CLEC4C: variants seen among roughly 807,000 people sequenced by gnomAD.
CLEC4C encodes the protein C-type lectin domain family 4 member C.
In CLEC4C, 17 loss-of-function variants were observed where a neutral mutation model predicts 27.7. That is an observed-to-expected ratio of 0.61 (90% CI 0.42 to 0.92). CLEC4C has a LOEUF of 0.92. Ranked by LOEUF, CLEC4C falls within the 40% of genes least tolerant of loss-of-function variation. The pLI is 0.00. For missense variants in CLEC4C, 244 were observed against 257.3 expected (o/e 0.95, Z 0.35); for synonymous variants, 80 against 80.8 (o/e 0.99, Z 0.06).
chr12:7,741,014 G>A (rs937990725), intron 3 of CLEC4C, among the ~76,000 whole-genome samples: 55 of 152,076 alleles, frequency 3.6e-4, no homozygotes, highest in African/African-American at 1.2e-3. Flanking sequence ...CTAATTTTTT[G>A]TATTTTTAGT....
chr12:7,746,289 GA>G (rs1310047635), intron 2 of CLEC4C, 41 bp downstream of exon 2: 5 of 1,120,950 alleles, frequency 4.5e-6, no homozygotes, highest in Middle Eastern at 2.0e-4. Flanking sequence ...ATGTGATTGG[GA>G]AAAGGACCAA....
chr12:7,745,458 A>T (rs1435356380), intron 2 of CLEC4C, among the ~76,000 whole-genome samples: 2 of 113,298 alleles, frequency 1.8e-5, no homozygotes, highest in African/African-American at 6.8e-5. Context: ...TTTGAGACAG[A>T]GTCTCACTCT....
At position 7,741,567 on chromosome 12, in the gene CLEC4C, T is replaced by C. The variant is rs748182661; in HGVS notation, c.125-36A>G. 3 of 1,119,658 alleles carry C rather than the reference T, an allele frequency of 2.7e-6. No homozygotes were observed. In the South Asian group the frequency reaches 3.7e-5, roughly 14 times the overall value. The allele number at this position is 1,119,658 out of a possible 1,614,324, so 69.4% of individuals were successfully genotyped here. On this transcript the variant is annotated intron_variant, in intron 2 of 5. Coordinates refer to ENST00000360345, the MANE Select transcript of CLEC4C (RefSeq NM_001371390.1). ...GAAATCGGAGTTAGTTCTCATTCTT[T>C]TAAGTGGATCTATGTTGTACTATAC...
At chr12:7,731,160 C>A (rs1864588231) in intron 4 of CLEC4C, among the ~76,000 whole-genome samples, 1 of 152,020 alleles carries the variant, frequency 6.6e-6, no homozygotes. Flanking sequence ...ACAATGGACC[C>A]CAGTAAAACA....
chr12:7,745,099 G>A (rs1864940488), intron 2 of CLEC4C, among the ~76,000 whole-genome samples: 1 of 152,134 alleles, frequency 6.6e-6, no homozygotes, highest in South Asian at 2.1e-4. Context: ...TATTGTTATA[G>A]AATGAATTGC....
At chr12:7,740,686 G>A (rs925489754) in intron 3 of CLEC4C, among the ~76,000 whole-genome samples, 1 of 147,964 alleles carries the variant, frequency 6.8e-6, no homozygotes, top group East Asian at 2.0e-4. Flanking sequence ...GGGCGACAGA[G>A]TGAGACTCCG....
At chr12:7,732,255 C>T (rs1443192352) in intron 4 of CLEC4C, among the ~76,000 whole-genome samples, 1 of 152,072 alleles carries the variant, frequency 6.6e-6, no homozygotes. Flanking sequence ...GTCTCAAACT[C>T]GTGACCTCAG....
intron 1 of CLEC4C, among the ~76,000 whole-genome samples, chr12:7,747,025 T>C (rs914890638): frequency 6.6e-6 from 1 of 152,192 alleles, no homozygotes; most frequent in Non-Finnish European, 1.5e-5. Context: ...GGTTTCTCCA[T>C]GTTGGTCAGG....
chr12:7,747,115 G>A (rs776413695), intron 1 of CLEC4C, among the ~76,000 whole-genome samples: 8 of 152,180 alleles, frequency 5.3e-5, no homozygotes, highest in South Asian at 4.1e-4. Context: ...GAGCCACCGC[G>A]CCCGCCCGGC....
In CLEC4C at chr12:7,741,484, A is replaced by C. The variant is rs113848396; in HGVS notation, c.172T>G (p.Leu58Val). Reference protein sequence around the residue: ...YSKTVKRLSKLREYQQYHPSL... With the variant: ...YSKTVKRLSKVREYQQYHPSL... The stretch of plus-strand genomic sequence containing the variant: ...GGATGATACTGTTGATACTCTCGTA[A>C]CTTGGACAGCCTCTTGACAGTTTTG... Residue 58 changes from leucine to valine, a missense_variant, in exon 3 of 6, where the codon TTA (leucine) becomes GTA (valine). By Grantham distance (32) the Leu-to-Val change is conservative (BLOSUM62 1). Coordinates refer to ENST00000360345, the MANE Select transcript of CLEC4C (RefSeq NM_001371390.1). 4.3e-4 allele frequency: 687 copies of C among 1,612,840 alleles called. 1 individual carries two copies. The African/African-American group carries it at 7.2e-3, about 17-fold the overall frequency.
chr12:7,731,426 A>C (rs1348042315), intron 4 of CLEC4C, among the ~76,000 whole-genome samples: 1 of 152,208 alleles, frequency 6.6e-6, no homozygotes, highest in Admixed American at 6.6e-5. Flanking sequence ...AGCTCCTCTC[A>C]GGTTTATTTT....
intron 4 of CLEC4C, among the ~76,000 whole-genome samples, chr12:7,735,053 T>G (rs1413044154): frequency 6.6e-6 from 1 of 151,158 alleles, no homozygotes; most frequent in Non-Finnish European, 1.5e-5. Flanking sequence ...ATACAAAAAT[T>G]AGCCAGGAGC....
At chr12:7,742,559 C>T (rs1864880722) in intron 2 of CLEC4C, among the ~76,000 whole-genome samples, 1 of 150,846 alleles carries the variant, frequency 6.6e-6, no homozygotes. Context: ...CTTGTAATCC[C>T]CAGCACTTTG....
chr12:7,736,100 G>C (rs921157611), intron 4 of CLEC4C, among the ~76,000 whole-genome samples: 99 of 152,048 alleles, frequency 6.5e-4, no homozygotes, highest in African/African-American at 2.2e-3. Context: ...TGGCCAACAT[G>C]GTGAAACCCC....
chr12:7,748,739 G>A (rs1282526776), upstream of CLEC4C, among the ~76,000 whole-genome samples: 1 of 152,128 alleles, frequency 6.6e-6, no homozygotes, highest in Non-Finnish European at 1.5e-5. Context: ...AAAATGTAGA[G>A]TATGAGGGTA....
At chr12:7,736,420 G>A (rs945189413) in intron 4 of CLEC4C, among the ~76,000 whole-genome samples, 1 of 152,010 alleles carries the variant, frequency 6.6e-6, no homozygotes, top group South Asian at 2.1e-4. Flanking sequence ...AAATGCAGAG[G>A]ATACAGTATG....
In CLEC4C at chr12:7,730,903, T is replaced by C; in HGVS notation, c.391A>G (p.Ile131Val). ...GAAGAATTTCTTTTCAGATTCTGAATGATGAAATCCTGAGGGAAGAAAATG... is the reference window on the plus strand; with the variant it reads ...GAAGAATTTCTTTTCAGATTCTGAACGATGAAATCCTGAGGGAAGAAAATG... The part of the protein sequence containing the change: ...INTREEQDFI[I>V]QNLKRNSSYF... Residue 131 changes from isoleucine (I) to valine (V), a missense_variant, in exon 5 of 6, where the codon ATT becomes GTT. Transcript: ENST00000360345. 6.4e-7 allele frequency: 1 copy of C among 1,573,516 alleles called. No individual in the cohort carries two copies. The highest frequency in any genetic ancestry group is 8.7e-7 in the Non-Finnish European group (1 of 1,143,562).
intron 3 of CLEC4C, among the ~76,000 whole-genome samples, chr12:7,740,557 C>T (rs1001775526): frequency 2.0e-5 from 3 of 151,594 alleles, no homozygotes; most frequent in Non-Finnish European, 2.9e-5. Context: ...AAAAATTAGC[C>T]GGGCCTGGCA....
At position 7,737,420 on chromosome 12, in the gene CLEC4C, A is replaced by G. The variant is rs760446580; in HGVS notation, c.381+9T>C. On this transcript the variant is annotated intron_variant, in intron 4 of 5. Transcript: ENST00000360345. Reference sequence around the variant, plus strand: ...AGATTAGCTGACCACCTTGCCTGTTAGAACATACCTGTTCTTCCCTGGTGT... The same window carrying G: ...AGATTAGCTGACCACCTTGCCTGTTGGAACATACCTGTTCTTCCCTGGTGT... The G allele has an allele frequency of 6.3e-7, 1 of 1,596,002 alleles. No individual in the cohort carries two copies. Among genetic ancestry groups the G allele is most frequent in the African/African-American group, 1.4e-5 (1 of 74,006 alleles).
Sources: gnomAD v4.1 joint callset for allele counts (sites outside exome capture counted in the v4.1 genomes callset) on GRCh38, gnomAD v4.1.1 for gene constraint, MANE v1.5 for transcripts, NCBI Gene and HGNC (gene_info 2026-07-23, HGNC 2026-07-21) for gene names.